The following POLR3A variants were observed in gnomAD, a reference collection of about 807,000 sequenced individuals.
POLR3A encodes RNA polymerase III subunit A.
Under a neutral mutation model 152.8 loss-of-function variants are expected in POLR3A, and 112 were observed. The ratio of observed to expected loss-of-function variants is 0.73; its 90% CI spans 0.63 to 0.86. POLR3A has a LOEUF of 0.86. Among genes scored for constraint, POLR3A ranks in the 40% least tolerant of loss-of-function variants. The pLI is 0.00. For missense variants in POLR3A, 1,385 were observed against 1,743.1 expected, an observed-to-expected ratio of 0.79 and a Z score of 3.66; for synonymous variants, 615 against 652.1, an observed-to-expected ratio of 0.94 and a Z score of 0.87.
rs771544085 is a variant in POLR3A, at chr10:78,007,773, A to G, written c.2003T>C (p.Leu668Pro). ...GSKNNIFYIL[L>P]RDWGQNEAAD... ...AGCTTCATTCTGTCCCCAGTCTCGC[A>G]GCAAAATGTAAAAAATATTGTTCTT... Residue 668 changes from leucine to proline, a missense_variant, in exon 15 of 31, where the codon CTG (leucine) becomes CCG (proline). Coordinates refer to ENST00000372371, the MANE Select transcript of POLR3A (RefSeq NM_007055.4). 2 of 1,614,150 alleles carry G rather than the reference A, an allele frequency of 1.2e-6. No homozygotes were observed. Among genetic ancestry groups the G allele is most frequent in the East Asian group, 2.2e-5 (1 of 44,890 alleles).
chr10:77,997,538 G>C (rs1181652557), intron 19 of POLR3A, among the ~76,000 whole-genome samples: 1 of 152,122 alleles, frequency 6.6e-6, no homozygotes. Context: ...CAAATCATGA[G>C]TGAACTCCCA....
rs566052706 is a variant in POLR3A at position 77,978,813 on chromosome 10, A to G, written c.4025-1187T>C. 7.9e-4 allele frequency among the ~76,000 whole-genome samples: 118 copies of G among 149,550 alleles called. 1 individual carries two copies. The highest frequency in any genetic ancestry group is 2.7e-3 in the African/African-American group (111 of 40,582). ...GTAGCTGGGATTACAGGTGCCTGCC[A>G]CCGTGCCCAGCTAATTTTTATATTT... On this transcript the variant is annotated intron_variant, in intron 30 of 30. Transcript: ENST00000372371.
rs1357381985 is a variant in POLR3A at position 78,010,500 on chromosome 10, A to G, written c.1613T>C (p.Leu538Pro). 3 of 1,613,976 alleles carry G rather than the reference A, an allele frequency of 1.9e-6. No homozygotes were observed. Among genetic ancestry groups the G allele is most frequent in the African/African-American group, 1.3e-5 (1 of 74,936 alleles). The change falls in exon 12 of 31, where the codon CTG (leucine) becomes CCG (proline). Residue 538 changes from leucine (L) to proline (P), a missense_variant. Leu to Pro is a moderately conservative substitution (Grantham distance 98, BLOSUM62 -3). Around this residue, in one of 7 missense-constraint regions of POLR3A, gnomAD observed 188 missense variants for 179.9 expected, o/e 1.04. Transcript: ENST00000372371. Reference protein sequence around the residue: ...NLVTPRNGEPLIAAIQDFLTG... With the variant: ...NLVTPRNGEPPIAAIQDFLTG... Reference sequence around the variant, plus strand: ...TAGAAAATCCTGAATAGCAGCAATCAGCGGTTCCCCATTCCTCGGGGTTAC... The same window carrying G: ...TAGAAAATCCTGAATAGCAGCAATCGGCGGTTCCCCATTCCTCGGGGTTAC...
intron 27 of POLR3A, 67 bp downstream of exon 27, chr10:77,982,586 G>GTC: frequency 6.9e-7 from 1 of 1,440,818 alleles, no homozygotes; most frequent in Non-Finnish European, 9.7e-7. Flanking sequence ...AAGCCCTTAG[G>GTC]TCCCAGCCCT....
intron 5 of POLR3A, among the ~76,000 whole-genome samples, chr10:78,023,919 C>T (rs573634993): frequency 2.6e-5 from 4 of 152,138 alleles, no homozygotes; most frequent in African/African-American, 9.6e-5. Flanking sequence ...GAGAGGATCT[C>T]TTGGGCTCAG....
intron 8 of POLR3A, among the ~76,000 whole-genome samples, 177 bp downstream of exon 8, chr10:78,021,369 A>G (rs561558557): frequency 1.7e-4 from 26 of 152,366 alleles, no homozygotes; most frequent in Non-Finnish European, 2.8e-4. Context: ...GGTTTACAGA[A>G]TATATACCAC....
chr10:77,981,458 C>A lies in POLR3A; in HGVS notation c.3861G>T (p.Val1287=), dbSNP rs1589302409. 1.2e-6 allele frequency: 2 copies of A among 1,614,122 alleles called. No individual in the cohort carries two copies. Among genetic ancestry groups the A allele is most frequent in the Admixed American group, 3.3e-5 (2 of 60,024 alleles). ...NHGMSIDRRH[V]MLLSDLMTYK... The stretch of plus-strand genomic sequence containing the variant: ...AGGTCATGAGGTCGGAGAGCAGCAT[C>A]ACGTGCCTCCTGTCGATGCTCATGC... The change falls in exon 29 of 31, where the codon GTG becomes GTT. Residue 1287 remains valine (V), a synonymous_variant. Coordinates refer to ENST00000372371, the MANE Select transcript of POLR3A (RefSeq NM_007055.4).
chr10:77,978,837 T>A (rs868566117), intron 30 of POLR3A, among the ~76,000 whole-genome samples: 53 of 151,394 alleles, frequency 3.5e-4, no homozygotes, highest in African/African-American at 4.6e-4. Flanking sequence ...ATTTTTATAT[T>A]TTTTTTAGTA....
At chr10:77,998,016 G>T (rs1328609299) in intron 19 of POLR3A, among the ~76,000 whole-genome samples, 1 of 152,100 alleles carries the variant, frequency 6.6e-6, no homozygotes, top group Non-Finnish European at 1.5e-5. Flanking sequence ...ACAACTATCT[G>T]ATCTTTGACA....
chr10:77,976,130 TTTTTC>T lies in POLR3A; in HGVS notation c.*1343_*1347del, dbSNP rs1847086802. The stretch of plus-strand genomic sequence containing the variant: ...AACTAATTTTTTTTTACGCTTAATT[TTTTTC>T]TTTTTTTTTTTTGAGACAAGGTCTT... On this transcript the variant is annotated 3_prime_UTR_variant, in exon 31 of 31. Transcript: ENST00000372371. The T allele has an allele frequency of 6.6e-6, 1 of 151,744 alleles. No homozygotes were observed. The highest frequency in any genetic ancestry group is 2.4e-5 in the African/African-American group (1 of 41,272). The allele number at this position is 151,744 out of a possible 1,614,324, so 9.4% of individuals were successfully genotyped here.
In POLR3A at chr10:77,982,815, C is replaced by T. The variant is rs1247002151; in HGVS notation, c.3432G>A (p.Val1144=). 6.8e-6 allele frequency: 11 copies of T among 1,613,876 alleles called. No individual in the cohort carries two copies. The highest frequency in any genetic ancestry group is 8.5e-6 in the Non-Finnish European group (10 of 1,179,826). ...TGGAATATCTCACTGTCTCAGCGTT[C>T]ACCTGCAACATGGCCAGGTGTAGGT... is the stretch of plus-strand genomic sequence containing the variant. ...LERIRLLRLE[V]NAETVRYSIC... is the part of the protein sequence containing the mutation. The change falls in exon 27 of 31, where the codon GTG becomes GTA. Residue 1144 remains valine (V), a splice_region_variant and synonymous_variant. Coordinates refer to ENST00000372371, the MANE Select transcript of POLR3A (RefSeq NM_007055.4).
At chr10:77,996,200 G>C (rs1343685670) in intron 19 of POLR3A, among the ~76,000 whole-genome samples, 1 of 152,040 alleles carries the variant, frequency 6.6e-6, no homozygotes, top group South Asian at 2.1e-4. Flanking sequence ...ATGCCCACAA[G>C]AGAAAGCAGG....
At chr10:78,015,069 A>G (rs939319184) in intron 10 of POLR3A, among the ~76,000 whole-genome samples, 2 of 152,234 alleles carry the variant, frequency 1.3e-5, no homozygotes, top group African/African-American at 4.8e-5. Flanking sequence ...AAATCTGAAT[A>G]TGAACTAGGT....
chr10:78,008,422 T>C (rs982005157), intron 14 of POLR3A, among the ~76,000 whole-genome samples: 1 of 152,102 alleles, frequency 6.6e-6, no homozygotes, highest in African/African-American at 2.4e-5. Flanking sequence ...CTTCAAAACA[T>C]TTGCTCTTCA....
In POLR3A at chr10:77,982,679, G is replaced by A. The variant is rs2131928219; in HGVS notation, c.3568C>T (p.Gln1190Ter). Residue 1190 changes from glutamine (Q) to a stop codon, truncating the protein, a stop_gained, in exon 27 of 31, where the codon CAG becomes TAG. Transcript: ENST00000372371. LOFTEE classifies it high-confidence loss of function. ...TTGGGGAGATCCTCTTTCAGGAACT[G>A]CAGCACGTAGTACATGGAGCTCTTG... ...NSKSSMYYVL[Q>*]FLKEDLPKVV... 1.9e-6 allele frequency: 3 copies of A among 1,613,526 alleles called. No homozygotes were observed. Among genetic ancestry groups the A allele is most frequent in the East Asian group, 2.2e-5 (1 of 44,872 alleles).
At chr10:78,015,136 C>T (rs1847506298) in intron 10 of POLR3A, among the ~76,000 whole-genome samples, 1 of 152,102 alleles carries the variant, frequency 6.6e-6, no homozygotes, top group African/African-American at 2.4e-5. Flanking sequence ...GATTACAGCA[C>T]TGTGGTTATG....
intron 4 of POLR3A, 101 bp from the exon 5 acceptor site, chr10:78,024,804 A>G (rs1847615962): frequency 2.2e-6 from 3 of 1,335,824 alleles, no homozygotes; most frequent in Non-Finnish European, 3.2e-6. Flanking sequence ...TACTATAGCA[A>G]TGAAAGATGA....
chr10:78,023,414 C>T (rs529026199), intron 5 of POLR3A, among the ~76,000 whole-genome samples: 4 of 152,040 alleles, frequency 2.6e-5, no homozygotes, highest in South Asian at 2.1e-4. Context: ...GAGCCTAGAT[C>T]GTGCAACCGC....
At chr10:78,026,627 T>A (rs1301413977) in intron 1 of POLR3A, among the ~76,000 whole-genome samples, 1 of 152,262 alleles carries the variant, frequency 6.6e-6, no homozygotes, top group Non-Finnish European at 1.5e-5. Context: ...GTACAGTCTC[T>A]TTTGAGGTCT....
Sources: allele counts gnomAD v4.1 joint callset (sites outside exome capture counted in the v4.1 genomes callset), GRCh38; gene constraint gnomAD v4.1.1; regional missense constraint gnomAD v4.1.1; transcripts MANE v1.5; gene names NCBI Gene and HGNC (gene_info 2026-07-23, HGNC 2026-07-21).